Variants in FAM135B observed in about 807,000 individuals in gnomAD.
FAM135B encodes protein FAM135B.
Under a neutral mutation model 127.7 loss-of-function variants are expected in FAM135B, and 43 were observed. The ratio of observed to expected loss-of-function variants is 0.34; its 90% CI spans 0.26 to 0.43. The LOEUF is 0.43. Ranked by LOEUF, FAM135B falls within the 20% of genes least tolerant of loss-of-function variation. The pLI is 1.00. For synonymous variants in FAM135B, 670 were observed against 665.1 expected (o/e 1.01, Z -0.11); for missense variants, 1,558 against 1,725.6 (o/e 0.90, Z 1.72).
upstream of FAM135B, among the ~76,000 whole-genome samples, chr8:138,497,329 G>A (rs1382840414): frequency 8.7e-5 from 13 of 150,244 alleles, no homozygotes; most frequent in Non-Finnish European, 1.9e-4. Context: ...ATGGGAGCCC[G>A]GGGCGGGCCG....
rs2130965878 is a variant in FAM135B, at chr8:138,177,387, C to T, written c.1063G>A (p.Glu355Lys). The part of the protein sequence containing the change: ...RRFSEAFFYM[E>K]HQKLAVLTFQ... ...GTCAGGACTGCAAGTTTTTGGTGCT[C>T]CATGTAAAAGAAGGCCTCAGAAAAC... Residue 355 changes from glutamate (E) to lysine (K), a missense_variant, in exon 11 of 20, where the codon GAG becomes AAG. Around this residue, in one of 5 missense-constraint regions of FAM135B, gnomAD observed 115 missense variants for 171.1 expected, o/e 0.67. Coordinates refer to ENST00000395297, the MANE Select transcript of FAM135B (RefSeq NM_015912.4). 1 of 1,613,340 alleles carries T rather than the reference C, an allele frequency of 6.2e-7. No individual in the cohort carries two copies. The highest frequency in any genetic ancestry group is 1.1e-5 in the South Asian group (1 of 90,936).
At chr8:138,273,352 CAT>C (rs1381791978) in intron 3 of FAM135B, among the ~76,000 whole-genome samples, 3,545 of 152,184 alleles carry the variant, frequency 0.023, 93 homozygotes, top group East Asian at 0.08. Flanking sequence ...ATTACAGGTG[CAT>C]GCCACCATGC....
At chr8:138,198,712 G>A (rs76771433) in intron 7 of FAM135B, among the ~76,000 whole-genome samples, 1 of 152,212 alleles carries the variant, frequency 6.6e-6, no homozygotes. Flanking sequence ...ATGAGGAAAA[G>A]ACACCTAAGT....
intron 6 of FAM135B, among the ~76,000 whole-genome samples, chr8:138,247,542 C>A (rs369221363): frequency 1.7e-4 from 26 of 152,320 alleles, no homozygotes; most frequent in East Asian, 5.8e-4. Flanking sequence ...GAGGCCTCCC[C>A]AGCCCTGTGG....
intron 3 of FAM135B, among the ~76,000 whole-genome samples, chr8:138,281,158 A>G (rs1824236106): frequency 6.6e-6 from 1 of 152,176 alleles, no homozygotes; most frequent in South Asian, 2.1e-4. Context: ...TTAAACTACT[A>G]TAGTCCCTGG....
At chr8:138,150,896 A>G (rs1400474003) in intron 13 of FAM135B, among the ~76,000 whole-genome samples, 1 of 152,102 alleles carries the variant, frequency 6.6e-6, no homozygotes, top group Non-Finnish European at 1.5e-5. Context: ...TAATTTTTGT[A>G]TAAAAAGCAT....
intron 7 of FAM135B, among the ~76,000 whole-genome samples, chr8:138,240,062 G>A (rs1350501254): frequency 6.6e-6 from 1 of 152,024 alleles, no homozygotes; most frequent in East Asian, 1.9e-4. Context: ...ACGAATTAAT[G>A]GGTGTAGCAC....
At chr8:138,347,256 G>C (rs9324486) in intron 2 of FAM135B, among the ~76,000 whole-genome samples, 2 of 152,068 alleles carry the variant, frequency 1.3e-5, no homozygotes, top group Non-Finnish European at 2.9e-5. Context: ...CATGGGTCTC[G>C]ATGCTTTCTA....
chr8:138,300,149 G>A (rs2130838956), intron 3 of FAM135B, among the ~76,000 whole-genome samples: 1 of 151,938 alleles, frequency 6.6e-6, no homozygotes, highest in African/African-American at 2.4e-5. Context: ...TCCAGTGTGG[G>A]GTGTATGGAA....
intron 2 of FAM135B, among the ~76,000 whole-genome samples, chr8:138,332,820 C>A (rs1014673247): frequency 6.6e-6 from 1 of 152,060 alleles, no homozygotes; most frequent in Non-Finnish European, 1.5e-5. Context: ...CAGCTGGCGG[C>A]GCTTTCTCAA....
At chr8:138,207,461 T>C (rs7460932) in intron 7 of FAM135B, among the ~76,000 whole-genome samples, 112,613 of 151,892 alleles carry the variant, frequency 0.74, 42,087 homozygotes, top group East Asian at 0.82. Flanking sequence ...CTGCCCACCT[T>C]GGCCTCCCAA....
At chr8:138,255,026 CTTTTTTTTTT>C (rs5895505) in intron 5 of FAM135B, among the ~76,000 whole-genome samples, 1 of 118,710 alleles carries the variant, frequency 8.4e-6, no homozygotes, top group East Asian at 2.5e-4. Context: ...GAAATCTGAA[CTTTTTTTTTT>C]TTTTTTTTTT....
chr8:138,159,265 C>T (rs1388707550), intron 12 of FAM135B, among the ~76,000 whole-genome samples: 1 of 29,044 alleles, frequency 3.4e-5, no homozygotes, highest in African/African-American at 1.3e-4. Context: ...GGCGACAGAG[C>T]GAGACTCCGT....
intron 2 of FAM135B, among the ~76,000 whole-genome samples, chr8:138,335,434 A>G (rs930751121): frequency 6.6e-6 from 1 of 152,180 alleles, no homozygotes; most frequent in East Asian, 1.9e-4. Context: ...AATGGAAAAC[A>G]AAAAAAGGCA....
At chr8:138,327,762 G>T (rs1042488343) in intron 2 of FAM135B, among the ~76,000 whole-genome samples, 1 of 152,124 alleles carries the variant, frequency 6.6e-6, no homozygotes, top group Non-Finnish European at 1.5e-5. Flanking sequence ...AATTATAATC[G>T]TAATCATAGG....
chr8:138,313,407 C>G (rs1175075454), intron 2 of FAM135B, among the ~76,000 whole-genome samples: 1 of 152,212 alleles, frequency 6.6e-6, no homozygotes, highest in African/African-American at 2.4e-5. Context: ...GCTGGGATTA[C>G]AGGCGTGAGC....
At chr8:138,248,406 T>C (rs1821445352) in intron 6 of FAM135B, among the ~76,000 whole-genome samples, 1 of 152,192 alleles carries the variant, frequency 6.6e-6, no homozygotes, top group Non-Finnish European at 1.5e-5. Context: ...TCTCTAGAAG[T>C]GGCTAAAGCT....
chr8:138,319,171 A>C (rs1458043752), intron 2 of FAM135B, among the ~76,000 whole-genome samples: 1 of 152,074 alleles, frequency 6.6e-6, no homozygotes, highest in Admixed American at 6.6e-5. Flanking sequence ...CAGTGGCGCA[A>C]TCTTGGCTCA....
intron 3 of FAM135B, among the ~76,000 whole-genome samples, chr8:138,267,181 TAA>T (rs1277901213): frequency 1.3e-5 from 2 of 152,070 alleles, no homozygotes; most frequent in Non-Finnish European, 2.9e-5. Context: ...AATGCCCTTA[TAA>T]AAAGAGGCCA....
Sources: allele counts gnomAD v4.1 joint callset (sites outside exome capture counted in the v4.1 genomes callset), GRCh38; gene constraint gnomAD v4.1.1; regional missense constraint gnomAD v4.1.1; transcripts MANE v1.5; gene names NCBI Gene and HGNC (gene_info 2026-07-23, HGNC 2026-07-21).